Variants in CHST11 observed in about 807,000 individuals in gnomAD.
The protein encoded by CHST11 is C4S-1.
CHST11 carries 9 observed loss-of-function variants against 30.4 expected under a neutral mutation model. The ratio of observed to expected loss-of-function variants is 0.30; its 90% CI spans 0.18 to 0.52. The LOEUF is 0.52. CHST11 is among the 20% of genes least tolerant of loss of function. The probability of loss-of-function intolerance (pLI) is 0.97; values close to 1 mark genes in which losing one functional copy is unlikely to be tolerated. For synonymous variants in CHST11, 152 were observed against 187.8 expected (o/e 0.81, Z 1.56); for missense variants, 348 against 460.6 (o/e 0.76, Z 2.24).
chr12:104,679,421 C>T (rs932263965), intron 2 of CHST11, among the ~76,000 whole-genome samples: 3 of 152,154 alleles, frequency 2.0e-5, no homozygotes, highest in African/African-American at 4.8e-5. Context: ...CCCGGAGCCT[C>T]CGCGTCCTGC....
chr12:104,571,338 T>C (rs546525207), intron 1 of CHST11, among the ~76,000 whole-genome samples: 3 of 152,028 alleles, frequency 2.0e-5, no homozygotes, highest in Non-Finnish European at 4.4e-5. Context: ...TAATTTTGTA[T>C]TTTTAGTAGA....
intron 2 of CHST11, among the ~76,000 whole-genome samples, chr12:104,666,941 C>T (rs1449218259): frequency 2.0e-5 from 3 of 152,238 alleles, no homozygotes; most frequent in Admixed American, 2.0e-4. Flanking sequence ...ACTCTGTCTG[C>T]ATCACACTCC....
chr12:104,538,675 C>CTTA (rs2038261035), intron 1 of CHST11, among the ~76,000 whole-genome samples: 2 of 152,150 alleles, frequency 1.3e-5, no homozygotes, highest in South Asian at 4.1e-4. Flanking sequence ...AAAGCCAAGG[C>CTTA]TTATTTGTGT....
intron 1 of CHST11, among the ~76,000 whole-genome samples, chr12:104,565,429 G>T (rs1432165294): frequency 3.3e-5 from 5 of 151,864 alleles, no homozygotes; most frequent in African/African-American, 7.3e-5. Context: ...ACCATGCTGG[G>T]CTAATTTCTG....
intron 2 of CHST11, among the ~76,000 whole-genome samples, chr12:104,610,189 G>A (rs1052282153): frequency 6.6e-6 from 1 of 152,076 alleles, no homozygotes; most frequent in African/African-American, 2.4e-5. Context: ...CTGTGGGCAT[G>A]TCTGTTATAC....
rs557754687 is a variant in CHST11, at chr12:104,662,369, C to A, written c.204+60378C>A. Among the ~76,000 whole-genome samples the A allele has an allele frequency of 2.6e-5, 4 of 152,328 alleles. No individual in the cohort carries two copies. In the East Asian group the frequency reaches 7.7e-4, roughly 29 times the overall value. ...GGGGTGGTTGTGAGGCTTGAATCAT[C>A]AAATGAAAGGGCTTTGTAAATGGCA... is the stretch of plus-strand genomic sequence containing the variant. On this transcript the variant is annotated intron_variant, in intron 2 of 2. Coordinates refer to ENST00000303694, the MANE Select transcript of CHST11 (RefSeq NM_018413.6).
At chr12:104,522,134 A>C (rs1592744299) in intron 1 of CHST11, among the ~76,000 whole-genome samples, 1 of 152,150 alleles carries the variant, frequency 6.6e-6, no homozygotes, top group South Asian at 2.1e-4. Flanking sequence ...CAATACATTT[A>C]TCTCTGTATT....
Position 104,458,475 on chromosome 12 carries a change from G to A in CHST11, c.118+946G>A, listed in dbSNP as rs2037377093. 6.6e-6 allele frequency among the ~76,000 whole-genome samples: 1 copy of A among 152,186 alleles called. No individual in the cohort carries two copies. Among genetic ancestry groups the A allele is most frequent in the African/African-American group, 2.4e-5 (1 of 41,464 alleles). On this transcript the variant is annotated intron_variant, in intron 1 of 2. Coordinates refer to ENST00000303694, the MANE Select transcript of CHST11 (RefSeq NM_018413.6). The surrounding 1 kb of genome is among the most constrained non-coding windows in gnomAD (Gnocchi z 5.7). ...AGGGACGAGGCTCGTCGCTTCCTAG[G>A]GGTGCGAGGGAAAGTTTGGGTTCTG...
Position 104,487,808 on chromosome 12 carries a change from A to G in CHST11, c.118+30279A>G, listed in dbSNP as rs527417050. 1.6e-4 allele frequency among the ~76,000 whole-genome samples: 24 copies of G among 150,936 alleles called. 1 individual carries two copies. Among genetic ancestry groups the G allele is most frequent in the Admixed American group, 1.6e-3 (24 of 15,172 alleles). Reference sequence around the variant, plus strand: ...CATTTAATTATTTGTATTCTCTTGCATGTCTCCTTGCGTGGTTAAAATACT... The same window carrying G: ...CATTTAATTATTTGTATTCTCTTGCGTGTCTCCTTGCGTGGTTAAAATACT... On this transcript the variant is annotated intron_variant, in intron 1 of 2. Transcript: ENST00000303694.
chr12:104,687,614 G>T (rs1227496729), intron 2 of CHST11, among the ~76,000 whole-genome samples: 1 of 152,172 alleles, frequency 6.6e-6, no homozygotes, highest in Non-Finnish European at 1.5e-5. Context: ...GCAGTGAGGA[G>T]GTACTTCCCA....
At chr12:104,748,853 G>A (rs531118997) in intron 2 of CHST11, among the ~76,000 whole-genome samples, 2 of 152,180 alleles carry the variant, frequency 1.3e-5, no homozygotes, top group Non-Finnish European at 2.9e-5. Flanking sequence ...TCTGGGAGGA[G>A]AACCCAGCAA....
At chr12:104,516,649 A>G (rs2038025398) in intron 1 of CHST11, among the ~76,000 whole-genome samples, 1 of 151,992 alleles carries the variant, frequency 6.6e-6, no homozygotes. Flanking sequence ...TGTTCCTCTG[A>G]GGCTCCCTGG....
intron 2 of CHST11, among the ~76,000 whole-genome samples, chr12:104,661,714 G>T (rs2039600371): frequency 6.6e-6 from 1 of 152,214 alleles, no homozygotes; most frequent in South Asian, 2.1e-4. Context: ...ATACACAGCA[G>T]TAGTGGTGAA....
At chr12:104,735,378 T>C (rs544409778) in intron 2 of CHST11, among the ~76,000 whole-genome samples, 1 of 152,326 alleles carries the variant, frequency 6.6e-6, no homozygotes, top group East Asian at 1.9e-4. Context: ...CTGGTGGTGC[T>C]GGTGGCTGTG....
chr12:104,665,614 C>G (rs925466233), intron 2 of CHST11, among the ~76,000 whole-genome samples: 2 of 151,998 alleles, frequency 1.3e-5, no homozygotes, highest in Non-Finnish European at 2.9e-5. Flanking sequence ...TCGGGTACAT[C>G]ATGTTCAATA....
At chr12:104,523,663 A>G (rs924231968) in intron 1 of CHST11, among the ~76,000 whole-genome samples, 2 of 152,162 alleles carry the variant, frequency 1.3e-5, no homozygotes, top group Non-Finnish European at 2.9e-5. Context: ...TTTATGTAAA[A>G]ATGCTTTTGT....
At chr12:104,461,438 T>C (rs1437603487) in intron 1 of CHST11, among the ~76,000 whole-genome samples, 1 of 152,238 alleles carries the variant, frequency 6.6e-6, no homozygotes, top group Non-Finnish European at 1.5e-5. Flanking sequence ...TGCATTAAAA[T>C]GTCTTGCATA....
intron 1 of CHST11, among the ~76,000 whole-genome samples, chr12:104,586,627 T>C (rs1411524924): frequency 2.6e-5 from 4 of 152,376 alleles, no homozygotes; most frequent in South Asian, 2.1e-4. Context: ...GTCCAGGTTG[T>C]AAAATCAGAC....
intron 1 of CHST11, among the ~76,000 whole-genome samples, chr12:104,521,761 G>A (rs1456654083): frequency 6.6e-6 from 1 of 152,176 alleles, no homozygotes; most frequent in African/African-American, 2.4e-5. Flanking sequence ...CTGAGGAAAA[G>A]TTGATTTGAG....
Sources: gnomAD v4.1 joint callset for allele counts (sites outside exome capture counted in the v4.1 genomes callset) on GRCh38, gnomAD v4.1.1 for gene constraint, Gnocchi (gnomAD v3.1) non-coding constraint, MANE v1.5 for transcripts, NCBI Gene and HGNC (gene_info 2026-07-23, HGNC 2026-07-21) for gene names.